The following APBB2 variants were observed in gnomAD, a reference collection of about 807,000 sequenced individuals.
The protein encoded by APBB2 is amyloid beta precursor protein binding family B member 2, also known as Fe65-like 1.
In APBB2, 38 loss-of-function variants were observed where a neutral mutation model predicts 82.5. That is an observed-to-expected ratio of 0.46 (90% CI 0.36 to 0.60). The LOEUF is 0.60. Ranked by LOEUF, APBB2 falls within the 20% of genes least tolerant of loss-of-function variation. The probability of loss-of-function intolerance (pLI) is 0.00; values close to 1 mark genes in which losing one functional copy is unlikely to be tolerated. For missense variants in APBB2, 772 were observed against 972.3 expected, an observed-to-expected ratio of 0.79 and a Z score of 2.74; for synonymous variants, 341 against 368.2, an observed-to-expected ratio of 0.93 and a Z score of 0.85.
Position 41,143,075 on chromosome 4 carries a change from G to A in APBB2, c.-349C>T, listed in dbSNP as rs924090270. 8 of 152,046 alleles carry A rather than the reference G, an allele frequency of 5.3e-5. No individual in the cohort carries two copies. Among genetic ancestry groups the A allele is most frequent in the South Asian group, 2.1e-4 (1 of 4,824 alleles). The allele number at this position is 152,046 out of a possible 1,614,324, so 9.4% of individuals were successfully genotyped here. A position where few individuals can be genotyped will look rare whatever the true frequency, so the allele number is the denominator to read the frequency against. On this transcript the variant is annotated 5_prime_UTR_variant, in exon 2 of 18. Transcript: ENST00000508593. Reference sequence around the variant, plus strand: ...CATCCAGCAAATGTTTCTGTTCCACGGCTGGGCAGATCCGACCACAGCATG... The same window carrying A: ...CATCCAGCAAATGTTTCTGTTCCACAGCTGGGCAGATCCGACCACAGCATG...
chr4:41,053,104 CTG>C (rs1726659233), intron 4 of APBB2, among the ~76,000 whole-genome samples: 1 of 152,154 alleles, frequency 6.6e-6, no homozygotes, highest in Non-Finnish European at 1.5e-5. Context: ...CATAGGGTAA[CTG>C]CACATATTTT....
chr4:40,938,858 G>T (rs907116759), intron 7 of APBB2, among the ~76,000 whole-genome samples: 2 of 152,270 alleles, frequency 1.3e-5, no homozygotes, highest in East Asian at 1.9e-4. Context: ...TACAAAACTC[G>T]CATCGAAATT....
chr4:40,905,564 C>A (rs1560853441), intron 10 of APBB2, among the ~76,000 whole-genome samples: 1 of 152,212 alleles, frequency 6.6e-6, no homozygotes, highest in Non-Finnish European at 1.5e-5. Context: ...TCAGCTCCTG[C>A]CTGCGAAGTC....
At chr4:41,148,336 C>G (rs1453552441) in intron 1 of APBB2, among the ~76,000 whole-genome samples, 1 of 152,190 alleles carries the variant, frequency 6.6e-6, no homozygotes, top group Admixed American at 6.5e-5. Context: ...GGTTCCAGGT[C>G]TGCTACTTAT....
intron 2 of APBB2, among the ~76,000 whole-genome samples, chr4:41,117,029 T>C (rs185743169): frequency 1.7e-3 from 261 of 152,240 alleles, no homozygotes; most frequent in African/African-American, 5.9e-3. Flanking sequence ...CCCATTCTTT[T>C]GGGTCCATCA....
intron 4 of APBB2, among the ~76,000 whole-genome samples, chr4:41,048,702 A>C (rs1579547100): frequency 9.7e-6 from 1 of 103,546 alleles, no homozygotes. Flanking sequence ...CTCTCCTTCC[A>C]CGGTCTCCCT....
chr4:40,882,943 G>A (rs1394706951), intron 12 of APBB2, among the ~76,000 whole-genome samples: 1 of 152,192 alleles, frequency 6.6e-6, no homozygotes, highest in African/African-American at 2.4e-5. Flanking sequence ...CCAGTGGGGT[G>A]TGAACGGAAT....
intron 6 of APBB2, among the ~76,000 whole-genome samples, chr4:41,007,536 T>C (rs934345148): frequency 3.9e-5 from 6 of 152,154 alleles, no homozygotes; most frequent in African/African-American, 9.7e-5. Flanking sequence ...TATAGACCTA[T>C]AGACTCGAAT....
chr4:40,904,527 C>CA (rs1421684186), intron 10 of APBB2, among the ~76,000 whole-genome samples: 1 of 151,872 alleles, frequency 6.6e-6, no homozygotes, highest in Non-Finnish European at 1.5e-5. Context: ...AGAGTCCATA[C>CA]AAAAAACAGG....
chr4:40,909,880 T>C (rs529830679), intron 10 of APBB2, among the ~76,000 whole-genome samples: 38 of 152,238 alleles, frequency 2.5e-4, no homozygotes, highest in Non-Finnish European at 4.7e-4. Flanking sequence ...TTACAACATG[T>C]AGCACAACAT....
chr4:40,967,330 C>T (rs928059023), intron 6 of APBB2, among the ~76,000 whole-genome samples: 10 of 152,198 alleles, frequency 6.6e-5, no homozygotes, highest in Non-Finnish European at 1.2e-4. Context: ...AGCTGTAACA[C>T]AAACAGGGTT....
Position 40,928,387 on chromosome 4 carries a change from AACAC to A in APBB2, c.1254+6065_1254+6068del, listed in dbSNP as rs34694637. Among the ~76,000 whole-genome samples the A allele has an allele frequency of 6.1e-3, 687 of 112,850 alleles. 4 individuals are homozygous for A. The highest frequency in any genetic ancestry group is 0.024 in the Middle Eastern group (5 of 212). 74.0% of individuals were successfully genotyped at this position (112,850 alleles called of 152,430 possible). ...ATGAAACAACATCTCTACTAAAGAA[AACAC>A]ACACACACACACACACACACACACA... On this transcript the variant is annotated intron_variant, in intron 10 of 17. Transcript: ENST00000508593.
intron 12 of APBB2, among the ~76,000 whole-genome samples, chr4:40,886,218 C>T (rs969196068): frequency 1.3e-5 from 2 of 152,222 alleles, no homozygotes; most frequent in Admixed American, 6.5e-5. Flanking sequence ...GTGGCCCACG[C>T]CTGTAATCCC....
rs545117503 is a variant in APBB2 at position 40,852,690 on chromosome 4, G to A, written c.1530-22113C>T. On this transcript the variant is annotated intron_variant, in intron 12 of 17. Transcript: ENST00000508593. ...GTGTGTTTCTCTGTCACCCAGGCTG[G>A]AGGGCAGTGGCGCGATCTCAGCTCA... is the stretch of plus-strand genomic sequence containing the variant. Among the ~76,000 whole-genome samples, 4 of 152,130 alleles carry A rather than the reference G, an allele frequency of 2.6e-5. No homozygotes were observed. In the South Asian group the frequency reaches 8.3e-4, roughly 32 times the overall value.
At chr4:41,048,431 GACTTCATA>G (rs1475713139) in intron 4 of APBB2, among the ~76,000 whole-genome samples, 1 of 152,140 alleles carries the variant, frequency 6.6e-6, no homozygotes, top group Non-Finnish European at 1.5e-5. Flanking sequence ...TATGTGTTAA[GACTTCATA>G]TATATTAACC....
chr4:40,993,301 G>A (rs1284055349), intron 6 of APBB2, among the ~76,000 whole-genome samples: 2 of 149,516 alleles, frequency 1.3e-5, no homozygotes, highest in Non-Finnish European at 3.0e-5. Flanking sequence ...ACAAGAACAA[G>A]AGAAGAGATT....
chr4:40,813,570 A>G lies in APBB2; in HGVS notation c.*2522T>C, dbSNP rs1744865697. On this transcript the variant is annotated 3_prime_UTR_variant, in exon 18 of 18. Coordinates refer to ENST00000508593, the MANE Select transcript of APBB2 (RefSeq NM_004307.2). ...TACAAAATTAATTTGCATTTACTAT[A>G]CAATGCCATTTTCAAAACAAAACGT... 1 of 152,254 alleles carries G rather than the reference A, an allele frequency of 6.6e-6. No individual in the cohort carries two copies. The highest frequency in any genetic ancestry group is 1.5e-5 in the Non-Finnish European group (1 of 68,040). 9.4% of individuals were successfully genotyped at this position (152,254 alleles called of 1,614,324 possible). A position where few individuals can be genotyped will look rare whatever the true frequency, so the allele number is the denominator to read the frequency against.
chr4:40,984,495 G>GGGTCAGGGA (rs1021243087), intron 6 of APBB2, among the ~76,000 whole-genome samples: 20 of 152,258 alleles, frequency 1.3e-4, no homozygotes, highest in Admixed American at 9.2e-4. Flanking sequence ...GAAGGGTGGG[G>GGGTCAGGGA]GGTCAGGGAG....
At chr4:40,878,791 G>C (rs368401314) in intron 12 of APBB2, among the ~76,000 whole-genome samples, 1 of 152,132 alleles carries the variant, frequency 6.6e-6, no homozygotes, top group East Asian at 1.9e-4. Context: ...CCAGGGTTTG[G>C]AGAGGTTTAT....
Sources: gnomAD v4.1 joint callset for allele counts (sites outside exome capture counted in the v4.1 genomes callset) on GRCh38, gnomAD v4.1.1 for gene constraint, MANE v1.5 for transcripts, NCBI Gene and HGNC (gene_info 2026-07-23, HGNC 2026-07-21) for gene names.